PCCB: variants seen among roughly 807,000 people sequenced by gnomAD.
The protein encoded by PCCB is propionyl-CoA carboxylase subunit beta, also known as propionyl-CoA carboxylase beta chain, mitochondrial.
PCCB carries 43 observed loss-of-function variants against 60.7 expected under a neutral mutation model. The ratio of observed to expected loss-of-function variants is 0.71; its 90% CI spans 0.55 to 0.91. The LOEUF (loss-of-function observed/expected upper bound fraction) is 0.91. Ranked by LOEUF, PCCB falls within the 40% of genes least tolerant of loss-of-function variation. PCCB has a pLI of 0.00. For synonymous variants in PCCB, 276 were observed against 255.9 expected, an observed-to-expected ratio of 1.08 and a Z score of -0.75; for missense variants, 766 against 702.8, an observed-to-expected ratio of 1.09 and a Z score of -1.02.
intron 10 of PCCB, among the ~76,000 whole-genome samples, chr3:136,324,615 A>G (rs1050335856): frequency 4.0e-5 from 6 of 150,298 alleles, no homozygotes; most frequent in Non-Finnish European, 8.9e-5. Flanking sequence ...TTTCTCCCAT[A>G]TCTTAGGTGG....
intron 6 of PCCB, among the ~76,000 whole-genome samples, chr3:136,292,963 AAAAATT>A (rs1448708640): frequency 2.6e-5 from 4 of 152,194 alleles, no homozygotes; most frequent in African/African-American, 9.7e-5. Context: ...ATTAGAAACT[AAAAATT>A]AAAAGCCTAT....
At position 136,330,136 on chromosome 3, in the gene PCCB, A is replaced by C; in HGVS notation, c.*110A>C. On this transcript the variant is annotated 3_prime_UTR_variant, in exon 15 of 15. Transcript: ENST00000251654. ...GGGAATCCAAATAGTTGGATAACTTAGAATAACTAAGTTTATTAAATTCTA... is the reference window on the plus strand; with the variant it reads ...GGGAATCCAAATAGTTGGATAACTTCGAATAACTAAGTTTATTAAATTCTA... 6.3e-7 allele frequency: 1 copy of C among 1,577,446 alleles called. No individual in the cohort carries two copies.
chr3:136,303,033 A>G lies in PCCB; in HGVS notation c.966+1922A>G, dbSNP rs1313648527. 3.3e-5 allele frequency among the ~76,000 whole-genome samples: 4 copies of G among 122,604 alleles called. 1 individual carries two copies. Among genetic ancestry groups the G allele is most frequent in the African/African-American group, 1.0e-4 (4 of 40,124 alleles). The allele number at this position is 122,604 out of a possible 152,430, so 80.4% of individuals were successfully genotyped here. A position where few individuals can be genotyped will look rare whatever the true frequency, so the allele number is the denominator to read the frequency against. On this transcript the variant is annotated intron_variant, in intron 9 of 14. Coordinates refer to ENST00000251654, the MANE Select transcript of PCCB (RefSeq NM_000532.5). ...CAGGTGTTTGAGGCTGTTCTGAGTTATGATCATTGCCACTGCACTCCATCC... is the reference window on the plus strand; with the variant it reads ...CAGGTGTTTGAGGCTGTTCTGAGTTGTGATCATTGCCACTGCACTCCATCC...
intron 14 of PCCB, among the ~76,000 whole-genome samples, chr3:136,329,701 T>A (rs1225563848): frequency 1.3e-5 from 2 of 152,184 alleles, no homozygotes; most frequent in Non-Finnish European, 2.9e-5. Flanking sequence ...TGCCAAGTGC[T>A]CCTAGGCCAG....
chr3:136,283,108 C>T (rs1043183875), intron 5 of PCCB, among the ~76,000 whole-genome samples: 9 of 152,172 alleles, frequency 5.9e-5, no homozygotes, highest in Non-Finnish European at 2.9e-5. Context: ...AGAGCCAAGG[C>T]AGGCTGAAAA....
chr3:136,269,748 T>C (rs1398761716), intron 5 of PCCB, among the ~76,000 whole-genome samples: 1 of 151,866 alleles, frequency 6.6e-6, no homozygotes, highest in Non-Finnish European at 1.5e-5. Flanking sequence ...TAGCCGGGTG[T>C]GGTGGCGGGT....
intron 5 of PCCB, among the ~76,000 whole-genome samples, chr3:136,276,319 A>G (rs915937616): frequency 6.6e-6 from 1 of 152,170 alleles, no homozygotes; most frequent in Non-Finnish European, 1.5e-5. Context: ...TAAGGCAGAG[A>G]GGTTCCACCC....
chr3:136,266,329 A>G (rs1173810427), intron 5 of PCCB, among the ~76,000 whole-genome samples: 1 of 151,338 alleles, frequency 6.6e-6, no homozygotes, highest in Non-Finnish European at 1.5e-5. Flanking sequence ...GGGTTTCACC[A>G]TGTTGGCCAG....
At chr3:136,273,548 T>A (rs1427829549) in intron 5 of PCCB, among the ~76,000 whole-genome samples, 2 of 151,316 alleles carry the variant, frequency 1.3e-5, no homozygotes, top group Non-Finnish European at 2.9e-5. Context: ...GGATTGTTCC[T>A]TTTATTATAT....
At chr3:136,328,995 G>T (rs1316730177) in intron 14 of PCCB, 138 bp downstream of exon 14, 2 of 737,016 alleles carry the variant, frequency 2.7e-6, no homozygotes, top group Admixed American at 4.0e-5. Context: ...GACTGTCCCT[G>T]GGCAGTCATC....
chr3:136,269,670 G>T (rs938779256), intron 5 of PCCB, among the ~76,000 whole-genome samples: 1 of 152,248 alleles, frequency 6.6e-6, no homozygotes, highest in East Asian at 1.9e-4. Context: ...CATATCACGA[G>T]GTCAGGAGAT....
intron 5 of PCCB, among the ~76,000 whole-genome samples, chr3:136,277,896 A>G (rs1041090561): frequency 3.3e-5 from 5 of 152,188 alleles, no homozygotes; most frequent in Admixed American, 1.3e-4. Flanking sequence ...GGCCACCTGC[A>G]GGGCCAGGCA....
rs868686620 is a variant in PCCB, at chr3:136,253,182, C to T, written c.183+2624C>T. Among the ~76,000 whole-genome samples, 8 of 150,538 alleles carry T rather than the reference C, an allele frequency of 5.3e-5. No individual in the cohort carries two copies. In the East Asian group the frequency reaches 5.9e-4, roughly 11 times the overall value. Reference sequence around the variant, plus strand: ...TTGGCTCACTGCAAGCTCCGCCTCCCGGGTTCATGCCGTTCTCCTGCCTCA... The same window carrying T: ...TTGGCTCACTGCAAGCTCCGCCTCCTGGGTTCATGCCGTTCTCCTGCCTCA... On this transcript the variant is annotated intron_variant, in intron 1 of 14. Coordinates refer to ENST00000251654, the MANE Select transcript of PCCB (RefSeq NM_000532.5).
intron 5 of PCCB, among the ~76,000 whole-genome samples, chr3:136,264,265 C>T (rs1223693484): frequency 6.6e-6 from 1 of 151,712 alleles, no homozygotes; most frequent in Non-Finnish European, 1.5e-5. Context: ...TCTTAAATAA[C>T]CAGAATACAG....
intron 8 of PCCB, 105 bp downstream of exon 8, chr3:136,298,177 A>AGT: frequency 7.5e-7 from 1 of 1,341,392 alleles, no homozygotes. Context: ...GTTGCAGCAG[A>AGT]GTGTGGTAGA....
chr3:136,328,651 A>T, intron 13 of PCCB, 107 bp from the exon 14 acceptor site: 1 of 851,230 alleles, frequency 1.2e-6, no homozygotes, highest in Non-Finnish European at 2.0e-6. Flanking sequence ...TCCCCTCAGT[A>T]CACTGATTTA....
chr3:136,328,987 C>A, intron 14 of PCCB, 130 bp downstream of exon 14: 1 of 759,468 alleles, frequency 1.3e-6, no homozygotes, highest in Admixed American at 2.0e-5. Context: ...AGGGTTGGGA[C>A]TGTCCCTGGG....
intron 10 of PCCB, among the ~76,000 whole-genome samples, chr3:136,325,436 A>G (rs1330780946): frequency 6.6e-6 from 1 of 151,448 alleles, no homozygotes; most frequent in Non-Finnish European, 1.5e-5. Context: ...GCTCACTGCA[A>G]CCTCTGCCTC....
At chr3:136,296,358 T>G (rs1367412519) in intron 7 of PCCB, among the ~76,000 whole-genome samples, 2 of 152,242 alleles carry the variant, frequency 1.3e-5, no homozygotes, top group African/African-American at 4.8e-5. Context: ...TGGAATCATA[T>G]AATATGTGAT....
Sources: gnomAD v4.1 joint callset for allele counts (sites outside exome capture counted in the v4.1 genomes callset) on GRCh38, gnomAD v4.1.1 for gene constraint, MANE v1.5 for transcripts, NCBI Gene and HGNC (gene_info 2026-07-23, HGNC 2026-07-21) for gene names.